Variants in GRIA3 observed in about 807,000 individuals in gnomAD.
GRIA3 encodes the protein glutamate receptor 3.
In GRIA3, 3 loss-of-function variants were observed where a neutral mutation model predicts 63.0. The observed-to-expected ratio is 0.05, with a 90% CI of 0.02 to 0.12. The LOEUF (loss-of-function observed/expected upper bound fraction) is 0.12. Among genes scored for constraint, GRIA3 ranks in the 10% least tolerant of loss-of-function variants. The pLI, the probability that GRIA3 is intolerant of heterozygous loss-of-function variation, is 1.00. For missense variants in GRIA3, 347 were observed against 700.9 expected, an observed-to-expected ratio of 0.50 and a Z score of 5.70; for synonymous variants, 274 against 257.9, an observed-to-expected ratio of 1.06 and a Z score of -0.60.
intron 4 of GRIA3, among the ~76,000 whole-genome samples, chrX:123,343,750 C>T (rs1207713287): frequency 2.8e-5 from 3 of 108,768 alleles, no homozygotes; most frequent in African/African-American, 1.0e-4. Context: ...ATCCTCCTTC[C>T]TATGCCCGGC....
At chrX:123,268,421 C>T (rs2044500519) in intron 3 of GRIA3, among the ~76,000 whole-genome samples, 1 of 109,183 alleles carries the variant, frequency 9.2e-6, no homozygotes, top group Non-Finnish European at 1.9e-5. Flanking sequence ...ATATTATTTA[C>T]CAAAGCTACC....
intron 2 of GRIA3, among the ~76,000 whole-genome samples, chrX:123,210,962 T>C (rs754151990): frequency 1.8e-5 from 2 of 112,041 alleles, no homozygotes; most frequent in South Asian, 7.5e-4. Flanking sequence ...TTCCATTTAA[T>C]TTGGATATTT....
chrX:123,201,237 CTCAGTTTCT>C (rs1927732667), intron 2 of GRIA3, among the ~76,000 whole-genome samples: 1 of 111,957 alleles, frequency 8.9e-6, no homozygotes, highest in Non-Finnish European at 1.9e-5. Context: ...TAGTCCATGT[CTCAGTTTCT>C]TCATCTACAA....
intron 4 of GRIA3, among the ~76,000 whole-genome samples, chrX:123,341,993 T>C (rs1325473847): frequency 1.8e-5 from 2 of 110,370 alleles, no homozygotes; most frequent in Non-Finnish European, 3.8e-5. Flanking sequence ...TTTCATTACA[T>C]AGATGAGAAA....
rs751890424 is a variant in GRIA3 at position 123,489,292 on chromosome X, A to G, written c.*582A>G. 86 of 112,379 alleles carry G rather than the reference A, an allele frequency of 7.7e-4. 1 individual carries two copies. Among genetic ancestry groups the G allele is most frequent in the African/African-American group, 2.6e-3 (80 of 30,845 alleles). 9.3% of individuals were successfully genotyped at this position (112,379 alleles called of 1,213,427 possible). A position where few individuals can be genotyped will look rare whatever the true frequency, so the allele number is the denominator to read the frequency against. Reference sequence around the variant, plus strand: ...TTGGTGGTGATGTTCTGTGCACTCTATTTCCTTTCAATGTTGCTGAAATGT... The same window carrying G: ...TTGGTGGTGATGTTCTGTGCACTCTGTTTCCTTTCAATGTTGCTGAAATGT... On this transcript the variant is annotated 3_prime_UTR_variant, in exon 16 of 16. Coordinates refer to ENST00000620443, the MANE Select transcript of GRIA3 (RefSeq NM_007325.5).
At chrX:123,260,586 T>C (rs1207319029) in intron 3 of GRIA3, among the ~76,000 whole-genome samples, 1 of 105,118 alleles carries the variant, frequency 9.5e-6, no homozygotes. Context: ...CTTTTTCTTC[T>C]TCACTTTAAG....
intron 4 of GRIA3, among the ~76,000 whole-genome samples, chrX:123,333,984 G>A (rs1191561187): frequency 2.7e-5 from 3 of 111,314 alleles, no homozygotes; most frequent in Non-Finnish European, 5.7e-5. Context: ...TGTCCAAATC[G>A]TGGTCACTAT....
intron 7 of GRIA3, among the ~76,000 whole-genome samples, 153 bp downstream of exon 7, chrX:123,398,956 A>G (rs2045429113): frequency 9.0e-6 from 1 of 111,424 alleles, no homozygotes; most frequent in African/African-American, 3.3e-5. Context: ...AGCCATTTCT[A>G]TAAATCATCC....
chrX:123,301,163 T>C (rs1237684899), intron 3 of GRIA3, among the ~76,000 whole-genome samples: 10 of 110,805 alleles, frequency 9.0e-5, no homozygotes, highest in Non-Finnish European at 1.9e-5. Flanking sequence ...GGGTAGAGAG[T>C]TCTGTAGATA....
chrX:123,219,146 CA>C (rs990039213), intron 2 of GRIA3, among the ~76,000 whole-genome samples: 5 of 110,351 alleles, frequency 4.5e-5, no homozygotes, highest in East Asian at 2.8e-4. Flanking sequence ...AACCAGCTAA[CA>C]AAAAAAAATT....
chrX:123,243,234 A>T (rs140758310), intron 2 of GRIA3, among the ~76,000 whole-genome samples: 1,223 of 112,436 alleles, frequency 0.011, 17 homozygotes, highest in African/African-American at 0.037. Context: ...TTCATACAGC[A>T]GCAAGAAAAG....
At position 123,288,164 on chromosome X, in the gene GRIA3, GA is replaced by G. The variant is rs756921924; in HGVS notation, c.508+34625del. 3.9e-3 allele frequency among the ~76,000 whole-genome samples: 434 copies of G among 112,435 alleles called. 4 individuals carry two copies. Among genetic ancestry groups the G allele is most frequent in the African/African-American group, 0.013 (414 of 30,955 alleles). Reference sequence around the variant, plus strand: ...AAACCTGAGAAAAACAAGCAATGGGGAAAGGATTCCCTATTTAATAAATGGT... The same window carrying G: ...AAACCTGAGAAAAACAAGCAATGGGGAAGGATTCCCTATTTAATAAATGGT... On this transcript the variant is annotated intron_variant, in intron 3 of 15. Coordinates refer to ENST00000620443, the MANE Select transcript of GRIA3 (RefSeq NM_007325.5).
intron 5 of GRIA3, among the ~76,000 whole-genome samples, chrX:123,379,478 T>A (rs181312317): frequency 1.3e-3 from 145 of 110,620 alleles, no homozygotes; most frequent in African/African-American, 4.5e-3. Flanking sequence ...TTTCTCCCCT[T>A]CTTTATTTCC....
At chrX:123,473,716 G>A (rs1396083345) in intron 13 of GRIA3, among the ~76,000 whole-genome samples, 2 of 112,049 alleles carry the variant, frequency 1.8e-5, no homozygotes, top group Non-Finnish European at 3.8e-5. Context: ...CTTAGAGCAA[G>A]GGTTTGGTTA....
At chrX:123,356,825 C>T (rs1450432481) in intron 5 of GRIA3, among the ~76,000 whole-genome samples, 1 of 111,790 alleles carries the variant, frequency 8.9e-6, no homozygotes, top group Non-Finnish European at 1.9e-5. Flanking sequence ...GACAGTGTTA[C>T]AATTCCATTA....
intron 3 of GRIA3, among the ~76,000 whole-genome samples, chrX:123,281,095 G>C (rs2044583383): frequency 9.0e-6 from 1 of 111,163 alleles, no homozygotes; most frequent in Admixed American, 9.6e-5. Flanking sequence ...TTCCTCCCAA[G>C]CAGGCCACAC....
rs887097177 is a variant in GRIA3, at chrX:123,194,128, G to A, written c.268+8138G>A. ...TCTGATGGTAGTGGGCCTGCTGCCTGTTCTGTGTGTGGTGTTTGCTGCAAT... is the reference window on the plus strand; with the variant it reads ...TCTGATGGTAGTGGGCCTGCTGCCTATTCTGTGTGTGGTGTTTGCTGCAAT... On this transcript the variant is annotated intron_variant, in intron 2 of 15. Coordinates refer to ENST00000620443, the MANE Select transcript of GRIA3 (RefSeq NM_007325.5). Among the ~76,000 whole-genome samples the A allele has an allele frequency of 8.1e-5, 9 of 111,095 alleles. No homozygotes were observed. In the Admixed American group the frequency reaches 8.6e-4, roughly 11 times the overall value.
intron 12 of GRIA3, among the ~76,000 whole-genome samples, chrX:123,435,253 G>A (rs775948353): frequency 1.8e-5 from 2 of 112,085 alleles, no homozygotes; most frequent in Non-Finnish European, 3.8e-5. Context: ...ACCTCAGTAG[G>A]AAGATCAGCT....
chrX:123,433,559 C>T (rs2045629917), intron 12 of GRIA3, among the ~76,000 whole-genome samples: 1 of 112,124 alleles, frequency 8.9e-6, no homozygotes, highest in African/African-American at 3.2e-5. Flanking sequence ...TTGAGTCTTA[C>T]CCCAATGCCG....
Sources: gnomAD v4.1 joint callset for allele counts (sites outside exome capture counted in the v4.1 genomes callset) on GRCh38, gnomAD v4.1.1 for gene constraint, MANE v1.5 for transcripts, NCBI Gene and HGNC (gene_info 2026-07-23, HGNC 2026-07-21) for gene names.